Variants in XRCC5 observed in about 807,000 individuals in gnomAD.
The protein encoded by XRCC5 is X-ray repair cross complementing 5, also known as DNA repair protein Ku80.
Under a neutral mutation model 95.7 loss-of-function variants are expected in XRCC5, and 12 were observed. The observed-to-expected ratio is 0.13, with a 90% confidence interval of 0.08 to 0.20. The LOEUF is 0.20. Ranked by LOEUF, XRCC5 falls within the 10% of genes least tolerant of loss-of-function variation. The pLI is 1.00. For synonymous variants in XRCC5, 281 were observed against 290.3 expected (o/e 0.97, Z 0.33); for missense variants, 595 against 873.9 (o/e 0.68, Z 4.02).
chr2:216,111,546 G>T, intron 1 of XRCC5: 1 of 274,756 alleles, frequency 3.6e-6, no homozygotes, highest in South Asian at 2.7e-5. Flanking sequence ...AAAAATGGTG[G>T]GGAGGAAAAC....
At chr2:216,175,600 G>T in intron 16 of XRCC5, 1 of 392,784 alleles carries the variant, frequency 2.5e-6, no homozygotes, top group South Asian at 2.0e-5. Context: ...ATAGTTTTCA[G>T]AGTAATTTCT....
In XRCC5 at chr2:216,138,169, T is replaced by C. The variant is rs759439862; in HGVS notation, c.1332T>C (p.Tyr444=). 12 of 1,612,760 alleles carry C rather than the reference T, an allele frequency of 7.4e-6. No individual in the cohort carries two copies. In the Admixed American group the frequency reaches 8.3e-5, roughly 11 times the overall value. ...CATCCTTGAAAAACAGTAAGAAATA[T>C]GCTCCCACCGGTGAGTTTGTTTTCA... ...MFSSLKNSKK[Y]APTEAQLNAV... Residue 444 remains tyrosine, a synonymous_variant, in exon 12 of 21, where the codon TAT becomes TAC. Coordinates refer to ENST00000392132, the MANE Select transcript of XRCC5 (RefSeq NM_021141.4).
At position 216,116,853 on chromosome 2, in the gene XRCC5, T is replaced by C; in HGVS notation, c.319+11T>C. On this transcript the variant is annotated intron_variant, in intron 3 of 20. Coordinates refer to ENST00000392132, the MANE Select transcript of XRCC5 (RefSeq NM_021141.4). ...CTCAACAGGCTGACTGTATCCTTTT[T>C]CTGCCAGAGAAGACTTTAAGAAATT... 6.2e-7 allele frequency: 1 copy of C among 1,611,278 alleles called. No individual in the cohort carries two copies. The highest frequency in any genetic ancestry group is 8.5e-7 in the Non-Finnish European group (1 of 1,177,838).
intron 16 of XRCC5, among the ~76,000 whole-genome samples, chr2:216,187,861 T>TCTCTCTCTCCCCCCC (rs143232624): frequency 8.6e-6 from 1 of 116,234 alleles, no homozygotes; most frequent in African/African-American, 4.2e-5. Flanking sequence ...TCTCTCTCTC[T>TCTCTCTCTCCCCCCC]CCCCGTCTCC....
At chr2:216,171,822 C>G (rs910467593) in intron 16 of XRCC5, among the ~76,000 whole-genome samples, 8 of 152,204 alleles carry the variant, frequency 5.3e-5, no homozygotes, top group Non-Finnish European at 8.8e-5. Context: ...TAAATCTCTA[C>G]AAGTCTCTTA....
At chr2:216,144,705 T>A (rs200097475) in intron 13 of XRCC5, among the ~76,000 whole-genome samples, 1 of 152,146 alleles carries the variant, frequency 6.6e-6, no homozygotes. Context: ...CAGACACTCA[T>A]TGGGAAGTTA....
intron 16 of XRCC5, among the ~76,000 whole-genome samples, chr2:216,182,151 A>G (rs1689401351): frequency 6.6e-6 from 1 of 152,112 alleles, no homozygotes; most frequent in Admixed American, 6.5e-5. Context: ...ACATTCAACA[A>G]TGGCTGCCTG....
chr2:216,118,485 A>G (rs1347788936), intron 4 of XRCC5, among the ~76,000 whole-genome samples: 6 of 152,068 alleles, frequency 3.9e-5, no homozygotes, highest in Admixed American at 1.3e-4. Context: ...CCTGCTTCCT[A>G]ATTCAGTATT....
At chr2:216,139,988 T>C (rs923789177) in intron 12 of XRCC5, among the ~76,000 whole-genome samples, 12 of 152,360 alleles carry the variant, frequency 7.9e-5, no homozygotes, top group Non-Finnish European at 1.6e-4. Flanking sequence ...TAGATGTCTA[T>C]GTAGGAATGC....
intron 14 of XRCC5, among the ~76,000 whole-genome samples, chr2:216,149,496 TA>T: frequency 6.6e-6 from 1 of 152,360 alleles, no homozygotes; most frequent in East Asian, 1.9e-4. Flanking sequence ...TTCCCCCTGC[TA>T]TCCTTATCTA....
At chr2:216,168,409 A>G (rs1689092971) in intron 16 of XRCC5, among the ~76,000 whole-genome samples, 1 of 152,236 alleles carries the variant, frequency 6.6e-6, no homozygotes, top group Non-Finnish European at 1.5e-5. Context: ...AATCATTGAA[A>G]TAGAGATGAA....
intron 14 of XRCC5, among the ~76,000 whole-genome samples, chr2:216,150,557 G>T (rs1688722753): frequency 6.6e-6 from 1 of 152,144 alleles, no homozygotes; most frequent in South Asian, 2.1e-4. Flanking sequence ...ACAAACCCGT[G>T]CAGTGTGTTA....
At chr2:216,204,192 T>G in intron 19 of XRCC5, 130 bp from the exon 20 acceptor site, 1 of 1,032,210 alleles carries the variant, frequency 9.7e-7, no homozygotes, top group Non-Finnish European at 1.5e-6. Context: ...GATGTTTCTT[T>G]TGGGCCGTTG....
At chr2:216,200,652 C>T (rs1689818729) in intron 19 of XRCC5, among the ~76,000 whole-genome samples, 1 of 152,142 alleles carries the variant, frequency 6.6e-6, no homozygotes, top group African/African-American at 2.4e-5. Flanking sequence ...TTTCCATCAC[C>T]ACATAAGCCT....
At chr2:216,160,230 AT>A in intron 15 of XRCC5, 69 bp downstream of exon 15, 1 of 1,065,396 alleles carries the variant, frequency 9.4e-7, no homozygotes. Flanking sequence ...GAGTGCATCA[AT>A]TTTTGTTAGT....
At chr2:216,181,941 A>G (rs1689397006) in intron 16 of XRCC5, among the ~76,000 whole-genome samples, 2 of 152,232 alleles carry the variant, frequency 1.3e-5, no homozygotes, top group Admixed American at 1.3e-4. Flanking sequence ...AAAGAAAAAG[A>G]AGAATCTGAG....
At chr2:216,111,615 C>G (rs756764902) in intron 1 of XRCC5, among the ~76,000 whole-genome samples, 6 of 152,116 alleles carry the variant, frequency 3.9e-5, no homozygotes, top group Admixed American at 1.3e-4. Flanking sequence ...TCCAACTGTT[C>G]TTTACATCAT....
At chr2:216,145,386 A>G (rs1688610015) in intron 13 of XRCC5, among the ~76,000 whole-genome samples, 1 of 152,232 alleles carries the variant, frequency 6.6e-6, no homozygotes, top group African/African-American at 2.4e-5. Flanking sequence ...AGTTAAAACC[A>G]CTTTTTAAAT....
intron 1 of XRCC5, among the ~76,000 whole-genome samples, chr2:216,112,447 G>C (rs192122085): frequency 3.9e-5 from 6 of 152,152 alleles, no homozygotes; most frequent in Non-Finnish European, 7.4e-5. Context: ...TTTGTTATCT[G>C]TCTGTGTCCT....
Sources: gnomAD v4.1 joint callset for allele counts (sites outside exome capture counted in the v4.1 genomes callset) on GRCh38, gnomAD v4.1.1 for gene constraint, MANE v1.5 for transcripts, NCBI Gene and HGNC (gene_info 2026-07-23, HGNC 2026-07-21) for gene names.